The following ST18 variants were observed in gnomAD, a reference collection of about 807,000 sequenced individuals.
ST18 encodes suppression of tumorigenicity 18 protein.
In ST18, 50 loss-of-function variants were observed where a neutral mutation model predicts 110.0. The observed-to-expected ratio is 0.45, with a 90% CI of 0.36 to 0.58. The LOEUF is 0.58. Ranked by LOEUF, ST18 falls within the 20% of genes least tolerant of loss-of-function variation. The pLI is 0.00. For synonymous variants in ST18, 461 were observed against 452.4 expected (o/e 1.02, Z -0.24); for missense variants, 1,306 against 1,280.1 (o/e 1.02, Z -0.31).
At chr8:52,357,732 A>G (rs867185066) in intron 2 of ST18, among the ~76,000 whole-genome samples, 1 of 107,550 alleles carries the variant, frequency 9.3e-6, no homozygotes, top group African/African-American at 3.0e-5. Context: ...TATATATATA[A>G]AACAGACTCA....
chr8:52,157,794 C>T (rs961049485), intron 15 of ST18, among the ~76,000 whole-genome samples: 4 of 152,350 alleles, frequency 2.6e-5, no homozygotes, highest in Admixed American at 6.5e-5. Context: ...TCAGTGGCAC[C>T]GTGTTACCTG....
intron 2 of ST18, among the ~76,000 whole-genome samples, chr8:52,362,158 A>T (rs1825999104): frequency 6.6e-6 from 1 of 152,214 alleles, no homozygotes; most frequent in African/African-American, 2.4e-5. Context: ...GTTAACCAAC[A>T]GTTGCATTAA....
chr8:52,211,901 A>G (rs945483447), intron 8 of ST18, among the ~76,000 whole-genome samples, 178 bp downstream of exon 8: 1 of 152,188 alleles, frequency 6.6e-6, no homozygotes, highest in African/African-American at 2.4e-5. Flanking sequence ...TTCAGGATCG[A>G]GTATCAGTAC....
chr8:52,192,092 A>G (rs571973164), intron 8 of ST18, among the ~76,000 whole-genome samples: 7 of 152,310 alleles, frequency 4.6e-5, no homozygotes, highest in Admixed American at 1.3e-4. Context: ...GAGTAGCATT[A>G]GTGGCAGGGA....
chr8:52,216,054 C>T (rs2136170203), intron 6 of ST18, among the ~76,000 whole-genome samples: 1 of 152,220 alleles, frequency 6.6e-6, no homozygotes, highest in East Asian at 1.9e-4. Flanking sequence ...TTAATTCACC[C>T]TAACCACTCT....
intron 2 of ST18, among the ~76,000 whole-genome samples, chr8:52,362,762 G>C (rs761226205): frequency 6.6e-6 from 1 of 152,044 alleles, no homozygotes; most frequent in African/African-American, 2.4e-5. Context: ...ATTTCTCCAG[G>C]CTATTCCTTC....
intron 22 of ST18, among the ~76,000 whole-genome samples, chr8:52,129,062 A>G (rs1363901392): frequency 2.0e-5 from 3 of 152,170 alleles, no homozygotes; most frequent in Admixed American, 6.5e-5. Context: ...TCCTGCATAT[A>G]TATACATATA....
chr8:52,366,784 A>T (rs6473721), intron 2 of ST18, among the ~76,000 whole-genome samples: 149,925 of 152,356 alleles, frequency 0.98, 73,814 homozygotes, highest in Middle Eastern at 1. Flanking sequence ...TTTGTTAATT[A>T]GTTTATCAGT....
chr8:52,367,234 T>TCACACACACACACACACACACA (rs1491543543), intron 2 of ST18, among the ~76,000 whole-genome samples: 3,962 of 104,254 alleles, frequency 0.038, 213 homozygotes, highest in Non-Finnish European at 0.051. Flanking sequence ...CGGGACCCTG[T>TCACACACACACACACACACACA]CTCACACACA....
intron 2 of ST18, among the ~76,000 whole-genome samples, chr8:52,342,649 T>C (rs572828901): frequency 3.3e-5 from 5 of 152,300 alleles, no homozygotes; most frequent in African/African-American, 1.2e-4. Context: ...AGCACTCTGA[T>C]GCAGGAGATC....
At chr8:52,330,897 G>A (rs1007696163) in intron 2 of ST18, among the ~76,000 whole-genome samples, 2 of 152,302 alleles carry the variant, frequency 1.3e-5, no homozygotes, top group African/African-American at 2.4e-5. Context: ...AAGAAGGAGC[G>A]CCTAAGAGGC....
At chr8:52,115,864 T>C (rs539857941) in intron 25 of ST18, among the ~76,000 whole-genome samples, 22 of 152,216 alleles carry the variant, frequency 1.4e-4, no homozygotes, top group Middle Eastern at 3.4e-3. Context: ...AAGCACCTAG[T>C]CCATTGGGAA....
intron 2 of ST18, among the ~76,000 whole-genome samples, chr8:52,318,889 G>T (rs1172875762): frequency 6.6e-6 from 1 of 151,662 alleles, no homozygotes; most frequent in African/African-American, 2.4e-5. Flanking sequence ...TGGACACATG[G>T]GGGGGTGGGA....
intron 16 of ST18, among the ~76,000 whole-genome samples, chr8:52,144,491 A>G (rs1243641111): frequency 2.6e-5 from 4 of 152,026 alleles, no homozygotes; most frequent in Non-Finnish European, 5.9e-5. Context: ...GGCAAATGTA[A>G]TTTTTTTCAT....
intron 8 of ST18, chr8:52,199,722 C>T (rs2077330205): frequency 6.6e-6 from 1 of 152,146 alleles, no homozygotes; most frequent in African/African-American, 2.4e-5. Flanking sequence ...TTCATATGTA[C>T]TCAAGGAGCA....
chr8:52,250,564 C>A (rs1469057358), intron 2 of ST18, among the ~76,000 whole-genome samples: 2 of 146,784 alleles, frequency 1.4e-5, no homozygotes, highest in Admixed American at 1.4e-4. Context: ...CCACAGGGTG[C>A]AAACAGAACC....
At chr8:52,306,910 G>T (rs2095822718) in intron 2 of ST18, among the ~76,000 whole-genome samples, 1 of 152,106 alleles carries the variant, frequency 6.6e-6, no homozygotes, top group Admixed American at 6.5e-5. Flanking sequence ...TTATAAATAG[G>T]TAACACATTT....
intron 2 of ST18, chr8:52,403,538 T>C (rs920048026): frequency 4.6e-5 from 7 of 152,198 alleles, no homozygotes; most frequent in Admixed American, 4.6e-4. Context: ...TCCTTCCTGG[T>C]TCTGAGCTGA....
intron 2 of ST18, among the ~76,000 whole-genome samples, chr8:52,328,078 T>C (rs1341401269): frequency 6.6e-6 from 1 of 152,186 alleles, no homozygotes; most frequent in Non-Finnish European, 1.5e-5. Context: ...GTGCATCCTA[T>C]AGCCTTAGCA....
Sources: allele counts gnomAD v4.1 joint callset (sites outside exome capture counted in the v4.1 genomes callset), GRCh38; gene constraint gnomAD v4.1.1; transcripts MANE v1.5; gene names NCBI Gene and HGNC (gene_info 2026-07-23, HGNC 2026-07-21).